Variants in HIVEP3 observed in about 807,000 individuals in gnomAD.
HIVEP3 encodes the protein transcription factor HIVEP3.
Under a neutral mutation model 152.8 loss-of-function variants are expected in HIVEP3, and 49 were observed. The observed-to-expected ratio is 0.32, with a 90% CI of 0.26 to 0.41. The LOEUF (loss-of-function observed/expected upper bound fraction) is 0.41, where lower values mean the gene tolerates loss of function less well. HIVEP3 is among the 10% of genes least tolerant of loss of function. HIVEP3 has a pLI of 1.00. For missense variants in HIVEP3, 2,790 were observed against 3,103.3 expected, an observed-to-expected ratio of 0.90 and a Z score of 2.40; for synonymous variants, 1,269 against 1,289.0, an observed-to-expected ratio of 0.98 and a Z score of 0.33.
chr1:41,643,043 C>A (rs1307219608), intron 2 of HIVEP3, among the ~76,000 whole-genome samples: 2 of 152,144 alleles, frequency 1.3e-5, no homozygotes, highest in Non-Finnish European at 2.9e-5. Flanking sequence ...GCCCATGAGC[C>A]CCTCTCCACC....
intron 1 of HIVEP3, among the ~76,000 whole-genome samples, chr1:41,973,877 G>A (rs1294217020): frequency 1.3e-5 from 2 of 152,212 alleles, no homozygotes; most frequent in Non-Finnish European, 2.9e-5. Context: ...GCTGGAGGGA[G>A]GCCTAGGAGA....
At chr1:41,526,852 C>T (rs1291728057) in intron 5 of HIVEP3, among the ~76,000 whole-genome samples, 3 of 128,514 alleles carry the variant, frequency 2.3e-5, no homozygotes, top group African/African-American at 8.9e-5. Flanking sequence ...CACACACTCA[C>T]CCTAACACGC....
intron 3 of HIVEP3, among the ~76,000 whole-genome samples, chr1:41,625,736 C>T (rs4457567): frequency 0.59 from 89,976 of 151,808 alleles, 27,483 homozygotes; most frequent in African/African-American, 0.75. Flanking sequence ...CAGTATATAT[C>T]AAAAATAAAT....
chr1:41,538,310 G>A (rs912629703), intron 5 of HIVEP3, among the ~76,000 whole-genome samples: 1 of 152,106 alleles, frequency 6.6e-6, no homozygotes, highest in Non-Finnish European at 1.5e-5. Context: ...CAGAGGCGAG[G>A]GCAAGAGGAA....
rs202107760 is a variant in HIVEP3, at chr1:41,510,895, C to T, written c.6777G>A (p.Lys2259=). ...CTGAGGAGAGTGTGAATTTGGAGACCTTAGCCACAGGCGACACGGAGGCTG... is the reference window on the plus strand; with the variant it reads ...CTGAGGAGAGTGTGAATTTGGAGACTTTAGCCACAGGCGACACGGAGGCTG... The part of the protein sequence containing the change: ...SSSASVSPVA[K]VSKFTLSSEL... The change falls in exon 9 of 9, where the codon AAG becomes AAA. Residue 2259 remains lysine (K), a synonymous_variant. Coordinates refer to ENST00000372583, the MANE Select transcript of HIVEP3 (RefSeq NM_024503.5). 1.2e-6 allele frequency: 2 copies of T among 1,613,528 alleles called. No homozygotes were observed. Among genetic ancestry groups the T allele is most frequent in the East Asian group, 2.2e-5 (1 of 44,874 alleles).
At chr1:41,617,848 AT>A (rs1409035883) in intron 3 of HIVEP3, among the ~76,000 whole-genome samples, 1 of 151,656 alleles carries the variant, frequency 6.6e-6, no homozygotes, top group Non-Finnish European at 1.5e-5. Context: ...GAAGATGCCA[AT>A]GGCTTTGGAA....
At chr1:41,636,936 G>A (rs1420906282) in intron 2 of HIVEP3, among the ~76,000 whole-genome samples, 1 of 133,686 alleles carries the variant, frequency 7.5e-6, no homozygotes, top group Non-Finnish European at 1.5e-5. Flanking sequence ...TCCAGCCTGG[G>A]CAACAAGAGC....
At chr1:41,525,024 T>C in intron 5 of HIVEP3, 114 bp from the exon 6 acceptor site, 2 of 1,008,628 alleles carry the variant, frequency 2.0e-6, no homozygotes, top group East Asian at 2.5e-5. Flanking sequence ...ACGCAAGGAA[T>C]GGAGGCCACG....
chr1:41,549,464 G>C (rs1355424541), intron 5 of HIVEP3, among the ~76,000 whole-genome samples: 1 of 152,158 alleles, frequency 6.6e-6, no homozygotes, highest in African/African-American at 2.4e-5. Context: ...CTTCCACAAT[G>C]GTTGAACTAG....
At chr1:41,822,438 C>A (rs539828825) in intron 1 of HIVEP3, among the ~76,000 whole-genome samples, 2 of 152,326 alleles carry the variant, frequency 1.3e-5, no homozygotes, top group Non-Finnish European at 2.9e-5. Flanking sequence ...GATGGGGGAA[C>A]TGTTGACTGC....
chr1:41,850,002 C>T (rs112110285), intron 1 of HIVEP3, among the ~76,000 whole-genome samples: 44 of 152,272 alleles, frequency 2.9e-4, no homozygotes, highest in Middle Eastern at 3.4e-3. Context: ...AGACCCAAAT[C>T]TTAAAGCACA....
At chr1:41,728,860 G>T (rs1646795950) in intron 1 of HIVEP3, among the ~76,000 whole-genome samples, 1 of 152,196 alleles carries the variant, frequency 6.6e-6, no homozygotes, top group Non-Finnish European at 1.5e-5. Flanking sequence ...GCACAGGCTA[G>T]GGTCCCAGAG....
At chr1:41,798,324 T>C (rs1437247381) in intron 1 of HIVEP3, among the ~76,000 whole-genome samples, 1 of 151,828 alleles carries the variant, frequency 6.6e-6, no homozygotes. Flanking sequence ...TCTTTTCCAA[T>C]AGGGATTCCA....
At chr1:41,824,369 G>C (rs1642695411) in intron 1 of HIVEP3, among the ~76,000 whole-genome samples, 1 of 152,078 alleles carries the variant, frequency 6.6e-6, no homozygotes, top group Non-Finnish European at 1.5e-5. Flanking sequence ...CTAACATTTT[G>C]AAACTTAATA....
chr1:41,712,591 T>C (rs1450045182), intron 1 of HIVEP3, among the ~76,000 whole-genome samples: 1 of 152,156 alleles, frequency 6.6e-6, no homozygotes, highest in African/African-American at 2.4e-5. Flanking sequence ...GCACATGAGA[T>C]GCGCAGGACA....
intron 1 of HIVEP3, among the ~76,000 whole-genome samples, chr1:41,901,720 C>T (rs1271022715): frequency 2.6e-5 from 4 of 152,072 alleles, no homozygotes; most frequent in South Asian, 2.1e-4. Flanking sequence ...TGTGGCTGGG[C>T]ATGCAAGGGC....
intron 2 of HIVEP3, among the ~76,000 whole-genome samples, chr1:41,700,014 T>A (rs1646337402): frequency 6.6e-6 from 1 of 152,134 alleles, no homozygotes; most frequent in African/African-American, 2.4e-5. Flanking sequence ...CAGAATGCTC[T>A]TCTTCCATTT....
At position 41,513,727 on chromosome 1, in the gene HIVEP3, C is replaced by T; in HGVS notation, c.5494G>A (p.Asp1832Asn). 6.3e-7 allele frequency: 1 copy of T among 1,581,256 alleles called. No individual in the cohort carries two copies. The highest frequency in any genetic ancestry group is 8.6e-7 in the Non-Finnish European group (1 of 1,164,264). The change falls in exon 8 of 9, where the codon GAC becomes AAC. Residue 1832 changes from aspartate (D) to asparagine (N), a missense_variant. Physicochemically the swap from Asp to Asn is conservative, Grantham distance 23. Transcript: ENST00000372583. ...TCTGAACCCTCTCGTCCTTCCGAGT[C>T]CTGGAACAGGTCGTCACTGGTTCCT... ...EEGTSDDLFQ[D>N]SEGREGSEAV... is the part of the protein sequence containing the mutation.
At position 41,616,341 on chromosome 1, in the gene HIVEP3, C is replaced by T. The variant is rs186794111; in HGVS notation, c.-522+12408G>A. On this transcript the variant is annotated intron_variant, in intron 3 of 8. Transcript: ENST00000372583. Reference sequence around the variant, plus strand: ...CCAACATCTTTGTTCCCCACCTGCACAAAGGACGTGTCTTGGCATGTATAT... The same window carrying T: ...CCAACATCTTTGTTCCCCACCTGCATAAAGGACGTGTCTTGGCATGTATAT... Among the ~76,000 whole-genome samples, 89 of 152,330 alleles carry T rather than the reference C, an allele frequency of 5.8e-4. No individual in the cohort carries two copies. The East Asian group carries it at 0.011, about 19-fold the overall frequency.
Sources: gnomAD v4.1 joint callset for allele counts (sites outside exome capture counted in the v4.1 genomes callset) on GRCh38, gnomAD v4.1.1 for gene constraint, MANE v1.5 for transcripts, NCBI Gene and HGNC (gene_info 2026-07-23, HGNC 2026-07-21) for gene names.